The following DENND4C variants were observed in gnomAD, a reference collection of about 807,000 sequenced individuals.
The protein encoded by DENND4C is DENN domain containing 4C, also known as DENN domain-containing protein 4C.
Under a neutral mutation model 203.0 loss-of-function variants are expected in DENND4C, and 108 were observed. The ratio of observed to expected loss-of-function variants is 0.53; its 90% CI spans 0.46 to 0.62. DENND4C has a LOEUF of 0.62. Among genes scored for constraint, DENND4C ranks in the 20% least tolerant of loss-of-function variants. The pLI is 0.00. For missense variants in DENND4C, 2,481 were observed against 2,301.2 expected, an observed-to-expected ratio of 1.08 and a Z score of -1.60; for synonymous variants, 871 against 792.4, an observed-to-expected ratio of 1.10 and a Z score of -1.67.
intron 9 of DENND4C, among the ~76,000 whole-genome samples, chr9:19,305,060 C>G (rs1208342644): frequency 1.3e-5 from 2 of 151,840 alleles, no homozygotes; most frequent in African/African-American, 4.8e-5. Context: ...TTGATTCTTT[C>G]CATAAAATTG....
chr9:19,354,266 G>A (rs1412286160), intron 26 of DENND4C, among the ~76,000 whole-genome samples: 1 of 152,142 alleles, frequency 6.6e-6, no homozygotes, highest in African/African-American at 2.4e-5. Flanking sequence ...CACCACGGTA[G>A]TAATGCAGTG....
rs554492577 is a variant in DENND4C at position 19,270,995 on chromosome 9, G to A, written c.-17-5163G>A. Among the ~76,000 whole-genome samples the A allele has an allele frequency of 1.5e-3, 227 of 152,184 alleles. 1 individual carries two copies. The highest frequency in any genetic ancestry group is 5.2e-3 in the African/African-American group (216 of 41,522). ...TTCACAGTAGCATCTAAATTATTAA[G>A]TACTTAGGAATAAATCTGACCAAAG... On this transcript the variant is annotated intron_variant, in intron 1 of 32. Transcript: ENST00000434457.
intron 3 of DENND4C, among the ~76,000 whole-genome samples, chr9:19,288,223 A>G (rs1005423200): frequency 6.6e-6 from 1 of 152,262 alleles, no homozygotes; most frequent in Admixed American, 6.5e-5. Context: ...CAATTAGTGA[A>G]GACAGGGTTG....
intron 32 of DENND4C, 46 bp downstream of exon 32, chr9:19,371,866 T>C: frequency 7.3e-7 from 1 of 1,365,696 alleles, no homozygotes; most frequent in South Asian, 1.3e-5. Context: ...TTACATTTTA[T>C]TTTCAAAAGT....
intron 1 of DENND4C, among the ~76,000 whole-genome samples, chr9:19,245,333 G>A (rs1005555843): frequency 6.6e-6 from 1 of 151,788 alleles, no homozygotes. Flanking sequence ...TGGGCATGGT[G>A]GGAGGCACCT....
chr9:19,352,399 A>G (rs996990585), intron 25 of DENND4C, 91 bp from the exon 26 acceptor site: 3 of 1,309,904 alleles, frequency 2.3e-6, no homozygotes, highest in Non-Finnish European at 3.1e-6. Context: ...TTTGATCAGT[A>G]GAATAAAAAA....
At chr9:19,284,815 TAA>T (rs1211352179) in intron 2 of DENND4C, among the ~76,000 whole-genome samples, 1 of 152,168 alleles carries the variant, frequency 6.6e-6, no homozygotes, top group African/African-American at 2.4e-5. Context: ...TTTTGTGAAA[TAA>T]GTTGCCAAGT....
chr9:19,279,940 C>T (rs560621185), intron 2 of DENND4C, among the ~76,000 whole-genome samples: 8 of 152,154 alleles, frequency 5.3e-5, no homozygotes, highest in African/African-American at 1.9e-4. Flanking sequence ...TTTAACCTTC[C>T]TCTCAGGGAA....
At chr9:19,363,520 A>G (rs546764365) in intron 30 of DENND4C, among the ~76,000 whole-genome samples, 2 of 152,096 alleles carry the variant, frequency 1.3e-5, no homozygotes, top group South Asian at 4.2e-4. Context: ...AATTAAAAAA[A>G]CATTAGTGCC....
At chr9:19,359,681 G>C (rs1384455299) in intron 28 of DENND4C, among the ~76,000 whole-genome samples, 2 of 149,126 alleles carry the variant, frequency 1.3e-5, no homozygotes, top group Admixed American at 6.6e-5. Flanking sequence ...CTGTTGATGA[G>C]AGAGTCTTAA....
intron 12 of DENND4C, among the ~76,000 whole-genome samples, chr9:19,320,326 A>C (rs749378345): frequency 8.6e-5 from 13 of 151,806 alleles, no homozygotes; most frequent in Non-Finnish European, 1.5e-4. Flanking sequence ...AGCCTCCCTA[A>C]TAGCTGGGAT....
chr9:19,333,876 C>G (rs1433936963), intron 17 of DENND4C, among the ~76,000 whole-genome samples: 2 of 152,072 alleles, frequency 1.3e-5, no homozygotes, highest in African/African-American at 4.8e-5. Flanking sequence ...AAAGTCTTTG[C>G]TAATAATGTT....
At chr9:19,257,248 C>T (rs1031636856) in intron 1 of DENND4C, among the ~76,000 whole-genome samples, 4 of 151,156 alleles carry the variant, frequency 2.6e-5, no homozygotes, top group African/African-American at 7.3e-5. Flanking sequence ...CCCAGCTACT[C>T]AGGAGGCTGA....
In DENND4C at chr9:19,364,827, G is replaced by A. The variant is rs147995239; in HGVS notation, c.5524+2864G>A. ...GGAGAATCAGGGAGGCCTGGGAGGCGGAAGTTGCAGTGAGCCGAGATCGTG... is the reference window on the plus strand; with the variant it reads ...GGAGAATCAGGGAGGCCTGGGAGGCAGAAGTTGCAGTGAGCCGAGATCGTG... On this transcript the variant is annotated intron_variant, in intron 30 of 32. Transcript: ENST00000434457. Among the ~76,000 whole-genome samples, 8 of 152,158 alleles carry A rather than the reference G, an allele frequency of 5.3e-5. No homozygotes were observed. In the East Asian group the frequency reaches 7.7e-4, roughly 15 times the overall value.
chr9:19,252,478 A>G (rs1208759898), intron 1 of DENND4C, among the ~76,000 whole-genome samples: 1 of 152,132 alleles, frequency 6.6e-6, no homozygotes, highest in Non-Finnish European at 1.5e-5. Context: ...ACTCATCAGG[A>G]GGCTGAAATG....
intron 1 of DENND4C, among the ~76,000 whole-genome samples, chr9:19,250,185 G>A (rs1826209560): frequency 6.6e-6 from 1 of 152,116 alleles, no homozygotes; most frequent in Non-Finnish European, 1.5e-5. Flanking sequence ...ACTCACGCCT[G>A]TAATCCCAGC....
intron 2 of DENND4C, among the ~76,000 whole-genome samples, chr9:19,282,015 A>G (rs1209438183): frequency 6.6e-6 from 1 of 152,208 alleles, no homozygotes; most frequent in Non-Finnish European, 1.5e-5. Context: ...GTGTTGAGTG[A>G]ATATGAAGGC....
rs941989300 is a variant in DENND4C, at chr9:19,248,954, C to G, written c.-18+18121C>G. 2.0e-5 allele frequency among the ~76,000 whole-genome samples: 3 copies of G among 152,042 alleles called. No homozygotes were observed. The Middle Eastern group carries it at 0.01, about 517-fold the overall frequency. ...TACAGGCGTGAGCCACTACGGCCAG[C>G]TAATTTTTGTATTTTTAGTAGAGAT... On this transcript the variant is annotated intron_variant, in intron 1 of 32. Coordinates refer to ENST00000434457, the MANE Select transcript of DENND4C (RefSeq NM_001330640.2).
At chr9:19,263,372 T>G (rs555470951) in intron 1 of DENND4C, among the ~76,000 whole-genome samples, 1 of 152,308 alleles carries the variant, frequency 6.6e-6, no homozygotes, top group South Asian at 2.1e-4. Flanking sequence ...ATTTGTTTTT[T>G]TGAGACAGAG....
Sources: allele counts gnomAD v4.1 joint callset (sites outside exome capture counted in the v4.1 genomes callset), GRCh38; gene constraint gnomAD v4.1.1; transcripts MANE v1.5; gene names NCBI Gene and HGNC (gene_info 2026-07-23, HGNC 2026-07-21).